Variants in KCNH1 observed in about 807,000 individuals in gnomAD.
KCNH1 encodes voltage-gated delayed rectifier potassium channel KCNH1.
A neutral mutation model predicts 69.2 loss-of-function variants in KCNH1; 27 were observed. The observed-to-expected ratio is 0.39, with a 90% CI of 0.29 to 0.54. The LOEUF is 0.54. Among genes scored for constraint, KCNH1 ranks in the 20% least tolerant of loss-of-function variants. The pLI is 0.68. For missense variants in KCNH1, 798 were observed against 1,261.6 expected (o/e 0.63, Z 5.57); for synonymous variants, 456 against 487.7 (o/e 0.93, Z 0.86).
chr1:210,722,332 A>G (rs891696936), intron 10 of KCNH1, among the ~76,000 whole-genome samples: 15 of 152,098 alleles, frequency 9.9e-5, no homozygotes, highest in Non-Finnish European at 1.3e-4. Context: ...TAGTGCTTAT[A>G]TTTTACTCTT....
At chr1:210,999,834 T>C (rs968921126) in intron 6 of KCNH1, among the ~76,000 whole-genome samples, 1 of 152,214 alleles carries the variant, frequency 6.6e-6, no homozygotes, top group African/African-American at 2.4e-5. Flanking sequence ...GTTGGCTTCA[T>C]CCCTGGGATG....
intron 10 of KCNH1, among the ~76,000 whole-genome samples, chr1:210,744,098 T>G (rs1004426579): frequency 6.6e-6 from 1 of 152,080 alleles, no homozygotes; most frequent in Non-Finnish European, 1.5e-5. Flanking sequence ...TACTGTTTGC[T>G]CTCTCATTTT....
At chr1:211,106,160 A>G (rs1217061833) in intron 2 of KCNH1, among the ~76,000 whole-genome samples, 1 of 152,190 alleles carries the variant, frequency 6.6e-6, no homozygotes, top group Non-Finnish European at 1.5e-5. Flanking sequence ...GAATGATTCC[A>G]CTTCATGCAA....
intron 6 of KCNH1, among the ~76,000 whole-genome samples, chr1:211,008,482 C>T (rs1044125075): frequency 3.3e-5 from 5 of 152,232 alleles, no homozygotes; most frequent in East Asian, 3.9e-4. Context: ...TAATACTACA[C>T]GCCAGTAAAA....
intron 5 of KCNH1, among the ~76,000 whole-genome samples, chr1:211,020,094 C>T (rs556643511): frequency 8.6e-5 from 13 of 150,822 alleles, no homozygotes; most frequent in East Asian, 5.8e-4. Flanking sequence ...CTTCAAGGAA[C>T]GAGAAAAGCA....
At chr1:210,852,761 G>A (rs996322517) in intron 7 of KCNH1, among the ~76,000 whole-genome samples, 1 of 152,124 alleles carries the variant, frequency 6.6e-6, no homozygotes, top group African/African-American at 2.4e-5. Context: ...TCATTCCATG[G>A]TTCCCTTACT....
intron 5 of KCNH1, among the ~76,000 whole-genome samples, chr1:211,052,219 G>A (rs1163528717): frequency 2.0e-5 from 3 of 152,218 alleles, no homozygotes; most frequent in Non-Finnish European, 2.9e-5. Context: ...CTGATCAGAC[G>A]GAATTCCGTG....
intron 6 of KCNH1, among the ~76,000 whole-genome samples, chr1:210,983,828 T>A (rs113305150): frequency 0.13 from 19,579 of 152,210 alleles, 1,474 homozygotes; most frequent in South Asian, 0.27. Context: ...GGTAGCTTGA[T>A]GGGAATGGCA....
intron 10 of KCNH1, among the ~76,000 whole-genome samples, chr1:210,750,964 A>G (rs1460604790): frequency 6.6e-6 from 1 of 152,258 alleles, no homozygotes; most frequent in Non-Finnish European, 1.5e-5. Flanking sequence ...CACCTAGTCC[A>G]GGGCAACAGG....
intron 5 of KCNH1, among the ~76,000 whole-genome samples, chr1:211,022,108 G>T (rs1689596889): frequency 6.6e-6 from 1 of 152,036 alleles, no homozygotes; most frequent in Non-Finnish European, 1.5e-5. Flanking sequence ...AAACAACAGG[G>T]TAGTTGCATA....
At chr1:210,949,636 TTCATA>T (rs1688024550) in intron 6 of KCNH1, among the ~76,000 whole-genome samples, 1 of 152,202 alleles carries the variant, frequency 6.6e-6, no homozygotes, top group Non-Finnish European at 1.5e-5. Flanking sequence ...AAAACAGCAC[TTCATA>T]AATGCAATGA....
intron 7 of KCNH1, among the ~76,000 whole-genome samples, chr1:210,848,112 G>A (rs1445577918): frequency 2.0e-5 from 3 of 152,116 alleles, no homozygotes; most frequent in African/African-American, 7.2e-5. Context: ...GGAAGTAAGA[G>A]GCAACATCTT....
chr1:211,102,982 C>T (rs1033467222), intron 3 of KCNH1, among the ~76,000 whole-genome samples: 77 of 152,338 alleles, frequency 5.1e-4, no homozygotes, highest in African/African-American at 1.8e-3. Flanking sequence ...TGACCTAAAA[C>T]CTCATTAACA....
intron 6 of KCNH1, among the ~76,000 whole-genome samples, chr1:210,966,170 T>C (rs1574366816): frequency 6.6e-6 from 1 of 152,340 alleles, no homozygotes; most frequent in East Asian, 1.9e-4. Flanking sequence ...TTGGGAAAAC[T>C]GGCTAGCCAT....
At chr1:210,832,021 A>T (rs554974517) in intron 7 of KCNH1, among the ~76,000 whole-genome samples, 1 of 152,270 alleles carries the variant, frequency 6.6e-6, no homozygotes, top group African/African-American at 2.4e-5. Context: ...GTTAGTGGCT[A>T]TTATATTGAA....
intron 5 of KCNH1, among the ~76,000 whole-genome samples, chr1:211,024,392 A>C (rs1164173549): frequency 1.3e-5 from 2 of 152,220 alleles, no homozygotes; most frequent in African/African-American, 4.8e-5. Context: ...TAATAAGCCT[A>C]GGGTGAAATA....
rs189289635 is a variant in KCNH1 at position 210,722,156 on chromosome 1, G to A, written c.2113-38018C>T. On this transcript the variant is annotated intron_variant, in intron 10 of 10. Coordinates refer to ENST00000271751, the MANE Select transcript of KCNH1 (RefSeq NM_172362.3). ...AAGAAAATCTGCTCTAACGTTAAAA[G>A]ATTACACATTAAGCCTAGAAAGTCC... Among the ~76,000 whole-genome samples, 414 of 152,316 alleles carry A rather than the reference G, an allele frequency of 2.7e-3. 3 individuals carry two copies. The highest frequency in any genetic ancestry group is 9.4e-3 in the African/African-American group (390 of 41,564).
chr1:210,870,632 A>C (rs1406780268), intron 7 of KCNH1, among the ~76,000 whole-genome samples: 2 of 152,162 alleles, frequency 1.3e-5, no homozygotes, highest in African/African-American at 4.8e-5. Flanking sequence ...TTATTAGTAG[A>C]CATGATAAGT....
At chr1:211,053,398 G>T (rs1417286587) in intron 5 of KCNH1, among the ~76,000 whole-genome samples, 1 of 152,182 alleles carries the variant, frequency 6.6e-6, no homozygotes, top group Non-Finnish European at 1.5e-5. Flanking sequence ...GAGTTTTTCA[G>T]AAGCAGGGGT....
Sources: allele counts gnomAD v4.1 joint callset (sites outside exome capture counted in the v4.1 genomes callset), GRCh38; gene constraint gnomAD v4.1.1; transcripts MANE v1.5; gene names NCBI Gene and HGNC (gene_info 2026-07-23, HGNC 2026-07-21).